The following VAT1L variants were observed in gnomAD, a reference collection of about 807,000 sequenced individuals.
VAT1L encodes putative NADPH-dependent quinone oxidoreductase VAT1L.
VAT1L carries 34 observed loss-of-function variants against 44.1 expected under a neutral mutation model. The ratio of observed to expected loss-of-function variants is 0.77; its 90% CI spans 0.59 to 1.03. The LOEUF is 1.03. Among genes scored for constraint, VAT1L ranks in the 50% least tolerant of loss-of-function variants. The pLI, the probability that VAT1L is intolerant of heterozygous loss-of-function variation, is 0.00. For synonymous variants in VAT1L, 253 were observed against 202.2 expected, an observed-to-expected ratio of 1.25 and a Z score of -2.13; for missense variants, 615 against 538.8, an observed-to-expected ratio of 1.14 and a Z score of -1.40.
rs138479162 is a variant in VAT1L, at chr16:77,940,046, C to T, written c.1078-31804C>T. Among the ~76,000 whole-genome samples the T allele has an allele frequency of 9.6e-3, 1,458 of 152,198 alleles. 26 individuals are homozygous for T. Among genetic ancestry groups the T allele is most frequent in the African/African-American group, 0.034 (1,398 of 41,508 alleles). On this transcript the variant is annotated intron_variant, in intron 7 of 8. Transcript: ENST00000302536. ...GGTTTTCCACAGAAATTTTCCAAGG[C>T]AGGAGAAAGAAAATGGACATTCCAG...
rs748521020 is a variant in VAT1L at position 77,825,226 on chromosome 16, CTG to C, written c.364-16_364-15del. On this transcript the variant is annotated intron_variant, in intron 2 of 8. Coordinates refer to ENST00000302536, the MANE Select transcript of VAT1L (RefSeq NM_020927.3). ...TGTCATGAGGTAGCCTCCACTAACT[CTG>C]TGTTTCCCCATGCCCAGATTGGAGA... The C allele has an allele frequency of 4.3e-6, 7 of 1,613,554 alleles. No homozygotes were observed. The highest frequency in any genetic ancestry group is 2.2e-5 in the East Asian group (1 of 44,862).
At chr16:77,918,080 T>C (rs575505515) in intron 7 of VAT1L, among the ~76,000 whole-genome samples, 2 of 152,330 alleles carry the variant, frequency 1.3e-5, no homozygotes, top group East Asian at 3.9e-4. Context: ...AAGAATTCCA[T>C]ATCCAATAAA....
At chr16:77,915,000 C>G (rs1197127360) in intron 7 of VAT1L, among the ~76,000 whole-genome samples, 7 of 152,160 alleles carry the variant, frequency 4.6e-5, no homozygotes, top group Non-Finnish European at 1.0e-4. Flanking sequence ...TGGCACATGT[C>G]TGTAATCCCA....
At chr16:77,799,113 T>C (rs993186989) in intron 1 of VAT1L, among the ~76,000 whole-genome samples, 1 of 152,160 alleles carries the variant, frequency 6.6e-6, no homozygotes, top group African/African-American at 2.4e-5. Context: ...AACTTTTTTC[T>C]CCCAGTTTTT....
chr16:77,965,509 C>T (rs753631427), intron 7 of VAT1L, among the ~76,000 whole-genome samples: 6 of 152,278 alleles, frequency 3.9e-5, no homozygotes, highest in Non-Finnish European at 8.8e-5. Context: ...ACTCAGATTT[C>T]CTCCCTCCAC....
intron 7 of VAT1L, among the ~76,000 whole-genome samples, chr16:77,897,192 T>A (rs2017333307): frequency 6.6e-6 from 1 of 152,114 alleles, no homozygotes; most frequent in Non-Finnish European, 1.5e-5. Flanking sequence ...GAGTAAAAGG[T>A]CACATCCTGG....
At chr16:77,852,351 G>T (rs11645152) in intron 3 of VAT1L, among the ~76,000 whole-genome samples, 5 of 152,176 alleles carry the variant, frequency 3.3e-5, no homozygotes, top group African/African-American at 9.7e-5. Context: ...GCTGTGCTCC[G>T]TGAGGACGGG....
chr16:77,943,682 G>A (rs929272788), intron 7 of VAT1L, among the ~76,000 whole-genome samples: 2 of 151,958 alleles, frequency 1.3e-5, no homozygotes, highest in African/African-American at 4.8e-5. Flanking sequence ...GATTACAGGT[G>A]TGAGTCACTG....
intron 7 of VAT1L, among the ~76,000 whole-genome samples, chr16:77,938,902 A>G (rs1213268119): frequency 1.3e-5 from 2 of 152,114 alleles, no homozygotes; most frequent in East Asian, 3.9e-4. Context: ...TCTAAAGAAG[A>G]GGCAGATAAA....
chr16:77,792,267 A>G (rs1013438461), intron 1 of VAT1L, among the ~76,000 whole-genome samples: 2 of 152,146 alleles, frequency 1.3e-5, no homozygotes, highest in African/African-American at 4.8e-5. Flanking sequence ...TTAATCATGT[A>G]TATAATATAG....
At chr16:77,855,288 C>G (rs994101103) in intron 3 of VAT1L, among the ~76,000 whole-genome samples, 6 of 150,442 alleles carry the variant, frequency 4.0e-5, no homozygotes, top group Admixed American at 2.7e-4. Context: ...TACGGTGAGC[C>G]GAGATCGTGC....
chr16:77,811,567 A>G (rs1041254446), intron 1 of VAT1L, among the ~76,000 whole-genome samples: 1 of 152,184 alleles, frequency 6.6e-6, no homozygotes, highest in Non-Finnish European at 1.5e-5. Flanking sequence ...GGTACGAACT[A>G]TATAACCTTG....
intron 1 of VAT1L, chr16:77,801,404 A>G (rs2016049524): frequency 6.6e-6 from 1 of 152,208 alleles, no homozygotes; most frequent in Admixed American, 6.5e-5. Context: ...ACGTTCCGCA[A>G]TAAGAAACAA....
At chr16:77,824,026 A>G (rs185030547) in intron 2 of VAT1L, among the ~76,000 whole-genome samples, 157 of 151,796 alleles carry the variant, frequency 1.0e-3, no homozygotes, top group African/African-American at 3.7e-3. Flanking sequence ...TCCATCTCAG[A>G]AAAAAAAAGA....
At chr16:77,819,799 T>C (rs1423011771) in intron 2 of VAT1L, among the ~76,000 whole-genome samples, 1 of 152,234 alleles carries the variant, frequency 6.6e-6, no homozygotes, top group Admixed American at 6.5e-5. Flanking sequence ...CAGCTGTTCC[T>C]CCTGCTTTCT....
rs911403894 is a variant in VAT1L, at chr16:77,884,266, A to T, written c.883-342A>T. The stretch of plus-strand genomic sequence containing the variant: ...TGGTGAAACCCCATCCCTACTAAAA[A>T]TACAAAAATTAGCTGGGCATGGTCG... On this transcript the variant is annotated intron_variant, in intron 6 of 8. Transcript: ENST00000302536. This position sits in a 1 kb window ranked among gnomAD's most constrained non-coding sequence, Gnocchi z 4.5. Among the ~76,000 whole-genome samples, 1 of 151,916 alleles carries T rather than the reference A, an allele frequency of 6.6e-6. No homozygotes were observed. The highest frequency in any genetic ancestry group is 2.4e-5 in the African/African-American group (1 of 41,356).
Position 77,939,386 on chromosome 16 carries a change from G to A in VAT1L, c.1078-32464G>A, listed in dbSNP as rs188394411. ...TCATAGCTCAAACCAGTGGGGGGCC[G>A]GAGGCGGGCGGGGTGGGGACGGTGG... On this transcript the variant is annotated intron_variant, in intron 7 of 8. Transcript: ENST00000302536. Among the ~76,000 whole-genome samples, 102 of 152,296 alleles carry A rather than the reference G, an allele frequency of 6.7e-4. 1 individual carries two copies. Among genetic ancestry groups the A allele is most frequent in the Non-Finnish European group, 1.2e-3 (80 of 68,028 alleles).
intron 7 of VAT1L, among the ~76,000 whole-genome samples, chr16:77,916,525 C>T (rs2017553790): frequency 6.6e-6 from 1 of 152,044 alleles, no homozygotes; most frequent in Non-Finnish European, 1.5e-5. Flanking sequence ...ATATGTTGAC[C>T]AGGCTGGTCT....
intron 7 of VAT1L, among the ~76,000 whole-genome samples, chr16:77,887,573 C>A (rs1018473697): frequency 1.3e-5 from 2 of 152,148 alleles, no homozygotes; most frequent in African/African-American, 4.8e-5. Flanking sequence ...CTCCAACCCT[C>A]AGTGCTGGGG....
Sources: allele counts gnomAD v4.1 joint callset (sites outside exome capture counted in the v4.1 genomes callset), GRCh38; gene constraint gnomAD v4.1.1; non-coding constraint Gnocchi (gnomAD v3.1); transcripts MANE v1.5; gene names NCBI Gene and HGNC (gene_info 2026-07-23, HGNC 2026-07-21).